Variants in IGF1R observed in about 807,000 individuals in gnomAD.
IGF1R encodes the protein insulin-like growth factor 1 receptor.
IGF1R carries 44 observed loss-of-function variants against 144.6 expected under a neutral mutation model. That is an observed-to-expected ratio of 0.30 (90% CI 0.24 to 0.39). The LOEUF (loss-of-function observed/expected upper bound fraction) is 0.39, where lower values mean the gene tolerates loss of function less well. Ranked by LOEUF, IGF1R falls within the 10% of genes least tolerant of loss-of-function variation. The probability of loss-of-function intolerance (pLI) is 1.00; values close to 1 mark genes in which losing one functional copy is unlikely to be tolerated. For synonymous variants in IGF1R, 795 were observed against 722.8 expected (o/e 1.10, Z -1.60); for missense variants, 1,355 against 1,833.7 (o/e 0.74, Z 4.77).
intron 2 of IGF1R, among the ~76,000 whole-genome samples, chr15:98,817,148 C>G (rs1015442292): frequency 1.3e-5 from 2 of 151,856 alleles, no homozygotes; most frequent in African/African-American, 2.4e-5. Context: ...ACTAAAAATA[C>G]AAAATTAGCT....
At chr15:98,811,529 C>CAA (rs34508591) in intron 2 of IGF1R, among the ~76,000 whole-genome samples, 1,883 of 134,202 alleles carry the variant, frequency 0.014, 19 homozygotes, top group East Asian at 0.03. Flanking sequence ...AACTCCATCT[C>CAA]AAAAAAAAAA....
intron 2 of IGF1R, among the ~76,000 whole-genome samples, chr15:98,769,217 C>T (rs60146747): frequency 0.12 from 18,082 of 152,178 alleles, 1,468 homozygotes; most frequent in East Asian, 0.26. Context: ...AGTAACATTT[C>T]TGTACCTTTG....
intron 2 of IGF1R, among the ~76,000 whole-genome samples, chr15:98,861,078 C>T (rs748324050): frequency 3.3e-5 from 5 of 151,512 alleles, no homozygotes; most frequent in Non-Finnish European, 7.4e-5. Flanking sequence ...AACATCTCTC[C>T]GTCTCAGTCT....
At chr15:98,924,139 TGA>T in intron 12 of IGF1R, 127 bp downstream of exon 12, 1 of 992,332 alleles carries the variant, frequency 1.0e-6, no homozygotes, top group Non-Finnish European at 1.6e-6. Flanking sequence ...GCCAAGTTGG[TGA>T]GGATTTGGGT....
At chr15:98,831,209 C>G (rs757969385) in intron 2 of IGF1R, among the ~76,000 whole-genome samples, 5 of 152,336 alleles carry the variant, frequency 3.3e-5, no homozygotes, top group South Asian at 2.1e-4. Context: ...TAATTCCTTT[C>G]TACTTAAATG....
At chr15:98,809,976 G>A (rs2056551257) in intron 2 of IGF1R, among the ~76,000 whole-genome samples, 1 of 152,212 alleles carries the variant, frequency 6.6e-6, no homozygotes, top group Admixed American at 6.5e-5. Context: ...ACAGCAAACT[G>A]ACCCAGACAG....
intron 5 of IGF1R, 131 bp downstream of exon 5, chr15:98,899,752 C>T (rs2014385297): frequency 2.3e-6 from 2 of 878,122 alleles, no homozygotes; most frequent in Admixed American, 1.9e-5. Flanking sequence ...GCAGTATTGC[C>T]TGTGCTGCTC....
chr15:98,722,294 G>A (rs1432007096), intron 2 of IGF1R, among the ~76,000 whole-genome samples: 1 of 152,198 alleles, frequency 6.6e-6, no homozygotes, highest in African/African-American at 2.4e-5. Context: ...TCAGAGGAGG[G>A]TAAGTTCCAC....
At chr15:98,790,289 CTT>C (rs2141413804) in intron 2 of IGF1R, among the ~76,000 whole-genome samples, 2 of 152,304 alleles carry the variant, frequency 1.3e-5, no homozygotes, top group South Asian at 2.1e-4. Flanking sequence ...GATCATCACT[CTT>C]TTTATTTAAA....
At chr15:98,755,718 C>CAAAAAAAAAAAAAAAAA (rs56121011) in intron 2 of IGF1R, among the ~76,000 whole-genome samples, 2 of 34,472 alleles carry the variant, frequency 5.8e-5, no homozygotes, top group African/African-American at 1.6e-4. Flanking sequence ...AACTCCATTG[C>CAAAAAAAAAAAAAAAAA]AAAAAAAAAA....
intron 2 of IGF1R, among the ~76,000 whole-genome samples, chr15:98,862,669 G>A (rs1396534989): frequency 6.6e-6 from 1 of 152,190 alleles, no homozygotes; most frequent in African/African-American, 2.4e-5. Context: ...ATCATTGGAG[G>A]TGGGATTTTT....
intron 1 of IGF1R, among the ~76,000 whole-genome samples, chr15:98,655,184 C>G (rs2052455567): frequency 7.4e-6 from 1 of 135,588 alleles, no homozygotes; most frequent in Non-Finnish European, 1.7e-5. Flanking sequence ...GGTTAGTAAA[C>G]AAAGGATCTT....
At chr15:98,840,827 C>T (rs1596348817) in intron 2 of IGF1R, among the ~76,000 whole-genome samples, 1 of 152,028 alleles carries the variant, frequency 6.6e-6, no homozygotes, top group Admixed American at 6.6e-5. Context: ...ATTACAGCTG[C>T]GTGCCACCAC....
intron 2 of IGF1R, among the ~76,000 whole-genome samples, chr15:98,790,346 T>C (rs963254903): frequency 6.6e-6 from 1 of 152,216 alleles, no homozygotes; most frequent in Admixed American, 6.5e-5. Flanking sequence ...GTCCTCCCTC[T>C]TCTTACAAGT....
intron 18 of IGF1R, among the ~76,000 whole-genome samples, chr15:98,940,313 A>G (rs2151715550): frequency 2.0e-5 from 3 of 152,356 alleles, no homozygotes; most frequent in African/African-American, 7.2e-5. Context: ...GGAAGTGTTC[A>G]CCTTCCTTTA....
chr15:98,937,476 C>T (rs945230201), intron 17 of IGF1R, among the ~76,000 whole-genome samples: 1 of 152,182 alleles, frequency 6.6e-6, no homozygotes. Context: ...ACTGAAGTCC[C>T]TTTCAGAACT....
intron 7 of IGF1R, among the ~76,000 whole-genome samples, chr15:98,911,713 C>T (rs2015028297): frequency 6.6e-6 from 1 of 152,132 alleles, no homozygotes; most frequent in South Asian, 2.1e-4. Context: ...ATAAAATAAA[C>T]CCAAAATGGG....
At chr15:98,666,381 A>G (rs1175022565) in intron 1 of IGF1R, among the ~76,000 whole-genome samples, 3 of 152,054 alleles carry the variant, frequency 2.0e-5, no homozygotes, top group Non-Finnish European at 4.4e-5. Context: ...ACTTTGGGGT[A>G]TATGCCCAAA....
chr15:98,899,749 T>C, intron 5 of IGF1R, 128 bp downstream of exon 5: 1 of 888,274 alleles, frequency 1.1e-6, no homozygotes, highest in South Asian at 1.4e-5. Context: ...GCCGCAGTAT[T>C]GCCTGTGCTG....
Sources: gnomAD v4.1 joint callset for allele counts (sites outside exome capture counted in the v4.1 genomes callset) on GRCh38, gnomAD v4.1.1 for gene constraint, MANE v1.5 for transcripts, NCBI Gene and HGNC (gene_info 2026-07-23, HGNC 2026-07-21) for gene names.